DNAH9: variants seen among roughly 807,000 people sequenced by gnomAD.
The protein encoded by DNAH9 is dynein axonemal heavy chain 9, also known as DNAH9 variant protein.
A neutral mutation model predicts 471.6 loss-of-function variants in DNAH9; 345 were observed. The ratio of observed to expected loss-of-function variants is 0.73; its 90% CI spans 0.67 to 0.80. DNAH9 has a LOEUF of 0.80. Among genes scored for constraint, DNAH9 ranks in the 30% least tolerant of loss-of-function variants. The pLI, the probability that DNAH9 is intolerant of heterozygous loss-of-function variation, is 0.00. For missense variants in DNAH9, 5,407 were observed against 5,609.2 expected, an observed-to-expected ratio of 0.96 and a Z score of 1.15; for synonymous variants, 2,093 against 2,123.6, an observed-to-expected ratio of 0.99 and a Z score of 0.40.
At chr17:11,963,453 C>T (rs1288846802) in intron 68 of DNAH9, among the ~76,000 whole-genome samples, 1 of 150,756 alleles carries the variant, frequency 6.6e-6, no homozygotes, top group African/African-American at 2.4e-5. Context: ...AAAAAGAAGA[C>T]AACGACCACA....
At chr17:11,679,103 G>C (rs1317417884) in intron 17 of DNAH9, among the ~76,000 whole-genome samples, 1 of 151,800 alleles carries the variant, frequency 6.6e-6, no homozygotes, top group South Asian at 2.1e-4. Flanking sequence ...CACATTTTAA[G>C]CCTTCTCTTT....
Position 11,930,039 on chromosome 17 carries a change from G to A in DNAH9, c.12051G>A (p.Glu4017=). Residue 4017 remains glutamate (E), a synonymous_variant, in exon 63 of 69, where the codon GAG becomes GAA. Coordinates refer to ENST00000262442, the MANE Select transcript of DNAH9 (RefSeq NM_001372.4). Reference sequence around the variant, plus strand: ...AGAACTCCATTAAGATCACCAATGAGCCCCCCACGGGCATGCATGCCAACC... The same window carrying A: ...AGAACTCCATTAAGATCACCAATGAACCCCCCACGGGCATGCATGCCAACC... The part of the protein sequence containing the change: ...ILENSIKITN[E]PPTGMHANLH... The A allele has an allele frequency of 6.2e-7, 1 of 1,614,068 alleles. No homozygotes were observed.
At chr17:11,874,848 G>A (rs374721190) in intron 52 of DNAH9, 101 bp from the exon 53 acceptor site, 1 of 827,454 alleles carries the variant, frequency 1.2e-6, no homozygotes, top group Non-Finnish European at 2.0e-6. Flanking sequence ...TGTTGATCTT[G>A]CTTTTAAAGG....
Position 11,757,706 on chromosome 17 carries a change from C to T in DNAH9, c.6995+14C>T, listed in dbSNP as rs2150860206. On this transcript the variant is annotated intron_variant, in intron 35 of 68. Coordinates refer to ENST00000262442, the MANE Select transcript of DNAH9 (RefSeq NM_001372.4). ...ACTCAGAACCAGGTAGGCCAAGAAACAAGGAAGATAGAGAGTTAAAGCAGC... is the reference window on the plus strand; with the variant it reads ...ACTCAGAACCAGGTAGGCCAAGAAATAAGGAAGATAGAGAGTTAAAGCAGC... The T allele has an allele frequency of 1.2e-6, 2 of 1,613,038 alleles. No homozygotes were observed. The highest frequency in any genetic ancestry group is 8.5e-7 in the Non-Finnish European group (1 of 1,179,762).
chr17:11,631,917 T>C lies in DNAH9; in HGVS notation c.1519-670T>C, dbSNP rs141461360. Among the ~76,000 whole-genome samples, 359 of 152,032 alleles carry C rather than the reference T, an allele frequency of 2.4e-3. 1 individual carries two copies. The highest frequency in any genetic ancestry group is 8.3e-3 in the African/African-American group (346 of 41,472). ...GGCGTGACCAATGTTTCTCTGAAAA[T>C]TGCTACGTGCTAAGAGAAATACATT... On this transcript the variant is annotated intron_variant, in intron 7 of 68. Transcript: ENST00000262442.
rs776013001 is a variant in DNAH9, at chr17:11,784,428, A to T, written c.7950A>T (p.Pro2650=). ...FPASLQKSIP[P]LIDLALAFHQ... ...CGTCCCTGCAGAAATCCATCCCCCC[A>T]CTGATCGATCTGGCCCTCGCCTTCC... The change falls in exon 41 of 69, where the codon CCA becomes CCT. Residue 2650 remains proline (P), a synonymous_variant. Transcript: ENST00000262442. 1.7e-5 allele frequency: 28 copies of T among 1,614,002 alleles called. No homozygotes were observed. The East Asian group carries it at 6.2e-4, about 36-fold the overall frequency.
chr17:11,832,397 G>A (rs904603010), intron 48 of DNAH9, among the ~76,000 whole-genome samples: 8 of 152,178 alleles, frequency 5.3e-5, no homozygotes, highest in Non-Finnish European at 1.2e-4. Flanking sequence ...GGAACAAAAA[G>A]TTACTGGTGT....
chr17:11,930,822 G>A (rs1567558389), intron 63 of DNAH9, among the ~76,000 whole-genome samples: 2 of 151,698 alleles, frequency 1.3e-5, no homozygotes, highest in African/African-American at 4.9e-5. Context: ...TCTGGGCTGG[G>A]GCCCAGGAAT....
Position 11,651,144 on chromosome 17 carries a change from A to G in DNAH9, c.2173A>G (p.Met725Val), listed in dbSNP as rs747502819. The change falls in exon 13 of 69, where the codon ATG becomes GTG. Residue 725 changes from methionine (M) to valine (V), a missense_variant. Met to Val is a conservative substitution (Grantham distance 21). Around this residue, in one of 3 missense-constraint regions of DNAH9, gnomAD observed 4,636 missense variants for 4,900.3 expected, o/e 0.95. Coordinates refer to ENST00000262442, the MANE Select transcript of DNAH9 (RefSeq NM_001372.4). ...MKHMPETAAAMFSSRDFYRQL... is the reference protein window; with the variant it reads ...MKHMPETAAAVFSSRDFYRQL... ...ACACATGCCTGAGACAGCAGCAGCCATGTTCTCCTCCAGGGATTTCTATCG... is the reference window on the plus strand; with the variant it reads ...ACACATGCCTGAGACAGCAGCAGCCGTGTTCTCCTCCAGGGATTTCTATCG... 6 of 1,614,152 alleles carry G rather than the reference A, an allele frequency of 3.7e-6. No homozygotes were observed. The highest frequency in any genetic ancestry group is 2.7e-5 in the African/African-American group (2 of 75,042).
chr17:11,794,266 A>G (rs1969168066), intron 42 of DNAH9, among the ~76,000 whole-genome samples: 1 of 151,972 alleles, frequency 6.6e-6, no homozygotes, highest in Non-Finnish European at 1.5e-5. Context: ...GGGTTTCACC[A>G]AGGGTTTCAC....
chr17:11,773,681 T>C (rs1316316407), intron 38 of DNAH9, among the ~76,000 whole-genome samples: 1 of 152,148 alleles, frequency 6.6e-6, no homozygotes, highest in Admixed American at 6.5e-5. Context: ...GAGGGTGGAA[T>C]AGAGAATTAT....
chr17:11,704,368 C>T lies in DNAH9; in HGVS notation c.5317C>T (p.Arg1773Trp), dbSNP rs774352904. ...MLIGQLSKGDRQKIMTICTID... is the reference protein window; with the variant it reads ...MLIGQLSKGDWQKIMTICTID... ...GATTGGCCAGCTCTCCAAGGGAGAC[C>T]GGCAGAAGATTATGACTATATGCAC... Residue 1773 changes from arginine to tryptophan, a missense_variant, in exon 25 of 69, where the codon CGG becomes TGG. Around this residue, in one of 3 missense-constraint regions of DNAH9, gnomAD observed 4,636 missense variants for 4,900.3 expected, o/e 0.95. Coordinates refer to ENST00000262442, the MANE Select transcript of DNAH9 (RefSeq NM_001372.4). The T allele has an allele frequency of 1.1e-5, 17 of 1,613,892 alleles. No individual in the cohort carries two copies. Among genetic ancestry groups the T allele is most frequent in the East Asian group, 6.7e-5 (3 of 44,862 alleles).
chr17:11,867,631 A>C (rs1303276493), intron 50 of DNAH9, among the ~76,000 whole-genome samples: 1 of 151,914 alleles, frequency 6.6e-6, no homozygotes, highest in Non-Finnish European at 1.5e-5. Context: ...CATTTTTTTC[A>C]TCTTGTTTAA....
In DNAH9 at chr17:11,697,969, T is replaced by A. The variant is rs114345732; in HGVS notation, c.4873-1762T>A. ...GGTGATGGTTCACAAATTGATTTGTTTCCATTATTAAAGGTTTAAAAAATG... is the reference window on the plus strand; with the variant it reads ...GGTGATGGTTCACAAATTGATTTGTATCCATTATTAAAGGTTTAAAAAATG... On this transcript the variant is annotated intron_variant, in intron 22 of 68. Transcript: ENST00000262442. Among the ~76,000 whole-genome samples, 507 of 150,702 alleles carry A rather than the reference T, an allele frequency of 3.4e-3. 6 individuals carry two copies. Among genetic ancestry groups the A allele is most frequent in the African/African-American group, 0.012 (474 of 41,166 alleles).
At chr17:11,625,936 C>A (rs1400927504) in intron 6 of DNAH9, among the ~76,000 whole-genome samples, 3 of 152,190 alleles carry the variant, frequency 2.0e-5, no homozygotes, top group African/African-American at 7.2e-5. Flanking sequence ...CTACAGGGAA[C>A]CTTCCATAAA....
intron 6 of DNAH9, among the ~76,000 whole-genome samples, chr17:11,621,923 T>C (rs1376058021): frequency 4.0e-4 from 2 of 5,048 alleles, no homozygotes; most frequent in Non-Finnish European, 8.8e-4. Flanking sequence ...CTACTAAAAA[T>C]ACAAAAAAAA....
At chr17:11,780,103 T>C (rs1201125817) in intron 38 of DNAH9, among the ~76,000 whole-genome samples, 1 of 152,236 alleles carries the variant, frequency 6.6e-6, no homozygotes, top group East Asian at 1.9e-4. Context: ...CTTAAGTTTG[T>C]TCTAAACAAG....
chr17:11,858,552 A>G (rs1401314456), intron 50 of DNAH9, among the ~76,000 whole-genome samples: 1 of 151,922 alleles, frequency 6.6e-6, no homozygotes, highest in Non-Finnish European at 1.5e-5. Context: ...ACCAACTTCT[A>G]TTTTTTTCAA....
At chr17:11,851,094 T>TTGTTGTTG (rs1971405857) in intron 49 of DNAH9, among the ~76,000 whole-genome samples, 3 of 147,954 alleles carry the variant, frequency 2.0e-5, no homozygotes, top group African/African-American at 7.5e-5. Flanking sequence ...TTGAGGTTGT[T>TTGTTGTTG]TTGTTGTTGT....
Sources: allele counts gnomAD v4.1 joint callset (sites outside exome capture counted in the v4.1 genomes callset), GRCh38; gene constraint gnomAD v4.1.1; regional missense constraint gnomAD v4.1.1; transcripts MANE v1.5; gene names NCBI Gene and HGNC (gene_info 2026-07-23, HGNC 2026-07-21).